Variants in SLC47A1 observed in about 807,000 individuals in gnomAD.
SLC47A1 encodes solute carrier family 47 member 1.
A neutral mutation model predicts 65.8 loss-of-function variants in SLC47A1; 58 were observed. The observed-to-expected ratio is 0.88, with a 90% CI of 0.71 to 1.10. The LOEUF (loss-of-function observed/expected upper bound fraction) is 1.10. Among genes scored for constraint, SLC47A1 ranks in the 50% least tolerant of loss-of-function variants. SLC47A1 has a pLI of 0.00. For missense variants in SLC47A1, 706 were observed against 719.2 expected (o/e 0.98, Z 0.21); for synonymous variants, 285 against 295.0 (o/e 0.97, Z 0.35).
chr17:19,567,336 C>T lies in SLC47A1; in HGVS notation c.1309+108C>T, dbSNP rs765952334. On this transcript the variant is annotated intron_variant, in intron 14 of 16. Transcript: ENST00000270570. ...GGCTCACCTCTGAAACTCGGGAGCT[C>T]GCCCACGTCCATTCTGTGTCTTGTC... 2.0e-4 allele frequency: 296 copies of T among 1,478,766 alleles called. 1 individual carries two copies. The highest frequency in any genetic ancestry group is 1.2e-3 in the Middle Eastern group (5 of 4,130). 91.6% of individuals were successfully genotyped at this position (1,478,766 alleles called of 1,614,324 possible).
chr17:19,571,683 T>TGAGATAAGAATAAAG, intron 15 of SLC47A1, 111 bp downstream of exon 15: 1 of 762,350 alleles, frequency 1.3e-6, no homozygotes, highest in Non-Finnish European at 2.1e-6. Flanking sequence ...TCTTTATTCT[T>TGAGATAAGAATAAAG]ATCTCATGAA....
In SLC47A1 at chr17:19,577,808, T is replaced by C. The variant is rs913217849; in HGVS notation, c.*255T>C. ...ACTATCTGAACCAAGCAAGGATCAA[T>C]GTGCTGACTGCATTGGCCAATGGCT... On this transcript the variant is annotated 3_prime_UTR_variant, in exon 17 of 17. Transcript: ENST00000270570. 3.0e-6 allele frequency: 4 copies of C among 1,331,882 alleles called. No homozygotes were observed. Among genetic ancestry groups the C allele is most frequent in the Non-Finnish European group, 3.9e-6 (4 of 1,037,702 alleles). 82.5% of individuals were successfully genotyped at this position (1,331,882 alleles called of 1,614,324 possible). A position where few individuals can be genotyped will look rare whatever the true frequency, so the allele number is the denominator to read the frequency against.
intron 6 of SLC47A1, among the ~76,000 whole-genome samples, chr17:19,552,936 G>T (rs1167582093): frequency 1.3e-5 from 2 of 152,186 alleles, no homozygotes; most frequent in African/African-American, 4.8e-5. Context: ...GGGAGAGGAA[G>T]AGGGGAGAGT....
chr17:19,560,307 C>T lies in SLC47A1; in HGVS notation c.1030+11C>T. On this transcript the variant is annotated intron_variant, in intron 11 of 16. Transcript: ENST00000270570. The stretch of plus-strand genomic sequence containing the variant: ...CCCTGCTGATTACAGGTGCTGAGAC[C>T]CCTTTACCCGAGGCTCTTGGTGCAG... The T allele has an allele frequency of 6.2e-7, 1 of 1,610,382 alleles. No homozygotes were observed.
intron 14 of SLC47A1, among the ~76,000 whole-genome samples, chr17:19,568,648 CTTAT>C (rs1308855425): frequency 6.6e-6 from 1 of 152,098 alleles, no homozygotes; most frequent in Non-Finnish European, 1.5e-5. Context: ...CTTATCACCA[CTTAT>C]TTTTTATGGT....
At chr17:19,539,353 T>G (rs1916076607) in intron 1 of SLC47A1, among the ~76,000 whole-genome samples, 1 of 152,108 alleles carries the variant, frequency 6.6e-6, no homozygotes, top group Admixed American at 6.5e-5. Flanking sequence ...AGAAATATGC[T>G]CTGTGACAGC....
chr17:19,577,754 C>T lies in SLC47A1; in HGVS notation c.*201C>T, dbSNP rs2084452277. ...GCTATATTGTGGCCCAAGACACTGT[C>T]TGAAAGATGACATGAGTAGTAATTC... On this transcript the variant is annotated 3_prime_UTR_variant, in exon 17 of 17. Coordinates refer to ENST00000270570, the MANE Select transcript of SLC47A1 (RefSeq NM_018242.3). 2.1e-6 allele frequency: 3 copies of T among 1,399,292 alleles called. No homozygotes were observed. In the South Asian group the frequency reaches 4.6e-5, roughly 21 times the overall value. 86.7% of individuals were successfully genotyped at this position (1,399,292 alleles called of 1,614,324 possible).
Position 19,577,999 on chromosome 17 carries a change from A to G in SLC47A1, c.*446A>G. Reference sequence around the variant, plus strand: ...TGTTTTTGTTTTAATTTTTTTTTTAATAGACGGAAGTCTTGCTCTGTCATG... The same window carrying G: ...TGTTTTTGTTTTAATTTTTTTTTTAGTAGACGGAAGTCTTGCTCTGTCATG... On this transcript the variant is annotated 3_prime_UTR_variant, in exon 17 of 17. Coordinates refer to ENST00000270570, the MANE Select transcript of SLC47A1 (RefSeq NM_018242.3). The G allele has an allele frequency of 7.9e-7, 1 of 1,272,876 alleles. No homozygotes were observed. Among genetic ancestry groups the G allele is most frequent in the Non-Finnish European group, 1.0e-6 (1 of 976,158 alleles). 78.8% of individuals were successfully genotyped at this position (1,272,876 alleles called of 1,614,324 possible). A position where few individuals can be genotyped will look rare whatever the true frequency, so the allele number is the denominator to read the frequency against.
intron 2 of SLC47A1, 113 bp from the exon 3 acceptor site, chr17:19,546,322 G>T: frequency 9.5e-7 from 1 of 1,049,466 alleles, no homozygotes. Context: ...TGGTAAAATT[G>T]ACTTGTGAAT....
At chr17:19,554,234 G>C (rs772151929) in intron 6 of SLC47A1, among the ~76,000 whole-genome samples, 2 of 152,188 alleles carry the variant, frequency 1.3e-5, no homozygotes, top group Non-Finnish European at 2.9e-5. Flanking sequence ...TGTGAGTGAG[G>C]GGCCCAACAT....
intron 16 of SLC47A1, among the ~76,000 whole-genome samples, chr17:19,574,319 G>A (rs764366978): frequency 1.3e-5 from 2 of 152,056 alleles, no homozygotes; most frequent in Non-Finnish European, 2.9e-5. Context: ...TACCCAAGTC[G>A]CCAAAGCCCT....
chr17:19,572,839 C>T lies in SLC47A1; in HGVS notation c.1464C>T (p.Leu488=), dbSNP rs1399567593. 5 of 1,614,014 alleles carry T rather than the reference C, an allele frequency of 3.1e-6. No individual in the cohort carries two copies. The highest frequency in any genetic ancestry group is 3.4e-6 in the Non-Finnish European group (4 of 1,180,022). ...NNVPRSGNSA[L]PQDPLHPGCP... Reference sequence around the variant, plus strand: ...TGCCTCGGAGTGGGAATTCTGCTCTCCCTCAGGATCCGCTTCACCCAGGTA... The same window carrying T: ...TGCCTCGGAGTGGGAATTCTGCTCTTCCTCAGGATCCGCTTCACCCAGGTA... Residue 488 remains leucine, a synonymous_variant, in exon 16 of 17, where the codon CTC becomes CTT. Coordinates refer to ENST00000270570, the MANE Select transcript of SLC47A1 (RefSeq NM_018242.3).
At chr17:19,574,181 C>T (rs898649266) in intron 16 of SLC47A1, among the ~76,000 whole-genome samples, 1 of 152,100 alleles carries the variant, frequency 6.6e-6, no homozygotes, top group Non-Finnish European at 1.5e-5. Context: ...CCTCGGCCCC[C>T]CAAAGTGCTG....
chr17:19,563,824 TA>T (rs1366263067), intron 12 of SLC47A1, among the ~76,000 whole-genome samples: 2 of 150,550 alleles, frequency 1.3e-5, no homozygotes, highest in Admixed American at 6.6e-5. Context: ...CTGTCTCTAC[TA>T]AAAAATACAA....
chr17:19,545,069 T>G (rs1451101258), intron 2 of SLC47A1, among the ~76,000 whole-genome samples: 1 of 152,196 alleles, frequency 6.6e-6, no homozygotes, highest in East Asian at 1.9e-4. Context: ...GGTTGAAGAG[T>G]GCAGCATGAA....
chr17:19,534,351 G>A (rs968970773), intron 1 of SLC47A1: 1 of 382,442 alleles, frequency 2.6e-6, no homozygotes, highest in Non-Finnish European at 4.7e-6. Context: ...GAGGCCGGCG[G>A]CTCCAGCCTC....
chr17:19,571,037 G>C (rs546178300), intron 14 of SLC47A1: 2 of 152,194 alleles, frequency 1.3e-5, no homozygotes, highest in South Asian at 2.1e-4. Flanking sequence ...CTGAGGAAGA[G>C]AACATTAGTA....
At chr17:19,568,357 G>A (rs924758611) in intron 14 of SLC47A1, among the ~76,000 whole-genome samples, 2 of 152,116 alleles carry the variant, frequency 1.3e-5, no homozygotes, top group South Asian at 2.1e-4. Flanking sequence ...TTTCTGGTGC[G>A]ATTCATAGTT....
intron 12 of SLC47A1, among the ~76,000 whole-genome samples, chr17:19,564,046 T>A (rs1453673802): frequency 6.8e-6 from 1 of 147,526 alleles, no homozygotes; most frequent in East Asian, 2.1e-4. Context: ...AGAATATATT[T>A]GGGTGAAATA....
Sources: allele counts gnomAD v4.1 joint callset (sites outside exome capture counted in the v4.1 genomes callset), GRCh38; gene constraint gnomAD v4.1.1; transcripts MANE v1.5; gene names NCBI Gene and HGNC (gene_info 2026-07-23, HGNC 2026-07-21).